NTM: variants seen among roughly 807,000 people sequenced by gnomAD.
NTM encodes IgLON family member 2.
A neutral mutation model predicts 42.1 loss-of-function variants in NTM; 13 were observed. The observed-to-expected ratio is 0.31, with a 90% CI of 0.20 to 0.49. The LOEUF is 0.49. NTM is among the 20% of genes least tolerant of loss of function. The pLI, the probability that NTM is intolerant of heterozygous loss-of-function variation, is 0.99. For synonymous variants in NTM, 187 were observed against 179.2 expected (o/e 1.04, Z -0.35); for missense variants, 373 against 452.8 (o/e 0.82, Z 1.60).
At chr11:132,217,279 G>A (rs2084043706) in intron 4 of NTM, among the ~76,000 whole-genome samples, 1 of 152,130 alleles carries the variant, frequency 6.6e-6, no homozygotes, top group South Asian at 2.1e-4. Context: ...GGAAAAGAAA[G>A]AAATCAATCG....
intron 1 of NTM, among the ~76,000 whole-genome samples, chr11:131,488,764 A>G (rs1954464482): frequency 6.6e-6 from 1 of 152,124 alleles, no homozygotes; most frequent in African/African-American, 2.4e-5. Flanking sequence ...AAATCCAATA[A>G]TCTGTATTGG....
At position 131,874,038 on chromosome 11, in the gene NTM, T is replaced by TAATATA. The variant is rs1478538013; in HGVS notation, c.83-37525_83-37524insATATAA. Among the ~76,000 whole-genome samples the TAATATA allele has an allele frequency of 1.6e-4, 5 of 32,034 alleles. No individual in the cohort carries two copies. In the African/African-American group the frequency reaches 1.7e-3, roughly 11 times the overall value. 21.0% of individuals were successfully genotyped at this position (32,034 alleles called of 152,430 possible). A position where few individuals can be genotyped will look rare whatever the true frequency, so the allele number is the denominator to read the frequency against. On this transcript the variant is annotated intron_variant, in intron 1 of 8. Transcript: ENST00000683400. ...TTTATATAATATAATATAATATATA[T>TAATATA]ATATATATATATATATATATATATA... is the stretch of plus-strand genomic sequence containing the variant.
intron 1 of NTM, among the ~76,000 whole-genome samples, chr11:131,484,814 A>C (rs997617701): frequency 6.6e-6 from 1 of 152,194 alleles, no homozygotes; most frequent in Non-Finnish European, 1.5e-5. Flanking sequence ...TGTTGCAGAC[A>C]GTGGGCCACA....
chr11:131,911,186 C>G, intron 1 of NTM: 1 of 1,354,012 alleles, frequency 7.4e-7, no homozygotes, highest in East Asian at 3.0e-5. Flanking sequence ...TTTCACCTGC[C>G]GCGCGCTTCC....
chr11:131,910,460 G>GCCCGCGC (rs772413977), intron 1 of NTM, among the ~76,000 whole-genome samples: 19,388 of 150,950 alleles, frequency 0.13, 1,532 homozygotes, highest in East Asian at 0.28. Flanking sequence ...TAAGGTGGGC[G>GCCCGCGC]CCCGCGCCCC....
chr11:132,179,059 A>G (rs2077189017), intron 3 of NTM, among the ~76,000 whole-genome samples: 1 of 152,088 alleles, frequency 6.6e-6, no homozygotes, highest in Non-Finnish European at 1.5e-5. Flanking sequence ...GGCACTCTAT[A>G]CTGTCTGGGT....
intron 1 of NTM, among the ~76,000 whole-genome samples, chr11:131,437,453 T>C (rs904791845): frequency 1.3e-5 from 2 of 152,228 alleles, no homozygotes; most frequent in African/African-American, 4.8e-5. Flanking sequence ...ACTTGCTTTA[T>C]GAATCTGAGT....
At position 132,212,035 on chromosome 11, in the gene NTM, T is replaced by C; in HGVS notation, c.414T>C (p.Ile138=). 5 of 1,609,118 alleles carry C rather than the reference T, an allele frequency of 3.1e-6. No homozygotes were observed. Among genetic ancestry groups the C allele is most frequent in the Non-Finnish European group, 4.2e-6 (5 of 1,178,276 alleles). The change falls in exon 4 of 9, where the codon ATT becomes ATC. Residue 138 remains isoleucine (I), a synonymous_variant. Coordinates refer to ENST00000683400, the MANE Select transcript of NTM (RefSeq NM_001352005.2). ...TTGTTTCCACAGTATCTCCCAAAAT[T>C]GTAGAGATTTCTTCAGATATCTCCA... ...VHLIVQVSPK[I]VEISSDISIN...
intron 1 of NTM, among the ~76,000 whole-genome samples, chr11:131,474,054 C>T (rs1361283756): frequency 6.6e-6 from 1 of 152,072 alleles, no homozygotes; most frequent in Non-Finnish European, 1.5e-5. Flanking sequence ...CCACTGTCTT[C>T]ACCTCATTCT....
chr11:131,582,548 G>T (rs1034633604), intron 1 of NTM, among the ~76,000 whole-genome samples: 2 of 107,360 alleles, frequency 1.9e-5, no homozygotes, highest in East Asian at 2.8e-4. Context: ...TGTTTGTTTT[G>T]CTTTGTTAAT....
chr11:131,741,203 GAGAGAT>G (rs2081161948), intron 1 of NTM, among the ~76,000 whole-genome samples: 2 of 134,624 alleles, frequency 1.5e-5, no homozygotes, highest in Admixed American at 7.7e-5. Context: ...GAGAGAGAGA[GAGAGAT>G]GTTTTTTGGA....
At chr11:131,917,715 G>T (rs758968006) in intron 2 of NTM, among the ~76,000 whole-genome samples, 2 of 152,108 alleles carry the variant, frequency 1.3e-5, no homozygotes, top group Non-Finnish European at 2.9e-5. Flanking sequence ...TACTCAGGAG[G>T]CCTGTGCTGC....
chr11:131,623,923 G>T (rs764682820), intron 1 of NTM, among the ~76,000 whole-genome samples: 3 of 152,222 alleles, frequency 2.0e-5, no homozygotes, highest in Non-Finnish European at 4.4e-5. Flanking sequence ...GGCCTACCCT[G>T]GCCGCTCCGA....
intron 1 of NTM, among the ~76,000 whole-genome samples, chr11:131,888,165 G>A (rs2050693104): frequency 6.6e-6 from 1 of 152,148 alleles, no homozygotes; most frequent in South Asian, 2.1e-4. Context: ...GCCAAGCATG[G>A]TGGCGTGCGC....
At chr11:132,125,605 G>C (rs1283021926) in intron 2 of NTM, among the ~76,000 whole-genome samples, 1 of 128,618 alleles carries the variant, frequency 7.8e-6, no homozygotes, top group Non-Finnish European at 1.7e-5. Context: ...TGTGGTGTGT[G>C]ATGTGTGTGG....
At chr11:131,409,687 C>T (rs745396697) in intron 1 of NTM, among the ~76,000 whole-genome samples, 23 of 152,166 alleles carry the variant, frequency 1.5e-4, no homozygotes, top group Admixed American at 3.9e-4. Context: ...ATAAAAGCCC[C>T]GTTTTCCCTT....
At chr11:132,151,537 T>C (rs2071908751) in intron 3 of NTM, among the ~76,000 whole-genome samples, 1 of 152,300 alleles carries the variant, frequency 6.6e-6, no homozygotes, top group East Asian at 1.9e-4. Context: ...TAATAAAAAA[T>C]GTTAAAAAAG....
intron 1 of NTM, among the ~76,000 whole-genome samples, chr11:131,400,267 T>C (rs1452609568): frequency 2.6e-5 from 4 of 152,278 alleles, no homozygotes; most frequent in South Asian, 2.1e-4. Context: ...CCCGAAGCAA[T>C]TGCAGCTCAG....
At chr11:131,911,272 C>G in intron 1 of NTM, 1 of 1,422,790 alleles carries the variant, frequency 7.0e-7, no homozygotes, top group Non-Finnish European at 9.2e-7. Context: ...AACCGGTTTT[C>G]CGAGGCTGGC....
Sources: gnomAD v4.1 joint callset for allele counts (sites outside exome capture counted in the v4.1 genomes callset) on GRCh38, gnomAD v4.1.1 for gene constraint, MANE v1.5 for transcripts, NCBI Gene and HGNC (gene_info 2026-07-23, HGNC 2026-07-21) for gene names.